The following KIT variants were observed in gnomAD, a reference collection of about 807,000 sequenced individuals.
The protein encoded by KIT is mast/stem cell growth factor receptor Kit.
Under a neutral mutation model 105.7 loss-of-function variants are expected in KIT, and 16 were observed. That is an observed-to-expected ratio of 0.15 (90% confidence interval 0.10 to 0.23). The LOEUF (loss-of-function observed/expected upper bound fraction) is 0.23, where lower values mean the gene tolerates loss of function less well. Among genes scored for constraint, KIT ranks in the 10% least tolerant of loss-of-function variants. The probability of loss-of-function intolerance (pLI) is 1.00; values close to 1 mark genes in which losing one functional copy is unlikely to be tolerated. For missense variants in KIT, 858 were observed against 1,213.8 expected, an observed-to-expected ratio of 0.71 and a Z score of 4.36; for synonymous variants, 438 against 441.1, an observed-to-expected ratio of 0.99 and a Z score of 0.09.
intron 13 of KIT, 83 bp from the exon 14 acceptor site, chr4:54,729,252 G>A (rs953695691): frequency 7.7e-5 from 113 of 1,458,176 alleles, no homozygotes; most frequent in Non-Finnish European, 1.1e-4. Flanking sequence ...TAATGGCCAT[G>A]ACCACCCTTG....
intron 7 of KIT, among the ~76,000 whole-genome samples, chr4:54,717,966 G>A (rs529119220): frequency 6.6e-6 from 1 of 152,168 alleles, no homozygotes; most frequent in Non-Finnish European, 1.5e-5. Flanking sequence ...GGCTGAAGAA[G>A]TCTCTCTCCA....
In KIT at chr4:54,723,576, T is replaced by A. The variant is rs753790041; in HGVS notation, c.1232-8T>A. The A allele has an allele frequency of 3.7e-6, 6 of 1,601,416 alleles. No homozygotes were observed. The South Asian group carries it at 6.6e-5, about 18-fold the overall frequency. ...CTCTGACATATGGCCATTTCTGTTT[T>A]CCTGTAGCAAAACCAGAAATCCTGA... On this transcript the variant is annotated splice_region_variant and splice_polypyrimidine_tract_variant and intron_variant, in intron 7 of 20. Coordinates refer to ENST00000288135, the MANE Select transcript of KIT (RefSeq NM_000222.3).
Position 54,739,065 on chromosome 4 carries a change from G to A in KIT, c.*508G>A. 2.4e-6 allele frequency: 1 copy of A among 421,752 alleles called. No homozygotes were observed. Among genetic ancestry groups the A allele is most frequent in the Non-Finnish European group, 4.2e-6 (1 of 239,510 alleles). 26.1% of individuals were successfully genotyped at this position (421,752 alleles called of 1,614,324 possible). A position where few individuals can be genotyped will look rare whatever the true frequency, so the allele number is the denominator to read the frequency against. On this transcript the variant is annotated 3_prime_UTR_variant, in exon 21 of 21. Transcript: ENST00000288135. ...TTAAGAAATCTAGTATTTCATGCTGGGAATGAGACATAGGCCATGAAAAAA... is the reference window on the plus strand; with the variant it reads ...TTAAGAAATCTAGTATTTCATGCTGAGAATGAGACATAGGCCATGAAAAAA...
At chr4:54,717,907 C>T (rs961734521) in intron 7 of KIT, among the ~76,000 whole-genome samples, 36 of 152,186 alleles carry the variant, frequency 2.4e-4, no homozygotes, top group African/African-American at 7.5e-4. Flanking sequence ...TTCCTCCCCA[C>T]GGCTGGGTGA....
At chr4:54,680,849 T>C (rs1718858226) in intron 1 of KIT, among the ~76,000 whole-genome samples, 1 of 152,110 alleles carries the variant, frequency 6.6e-6, no homozygotes, top group South Asian at 2.1e-4. Flanking sequence ...TCCAGGACAG[T>C]GCTAACATGA....
chr4:54,736,277 A>G (rs914307805), intron 17 of KIT, among the ~76,000 whole-genome samples: 1 of 152,188 alleles, frequency 6.6e-6, no homozygotes, highest in Admixed American at 6.5e-5. Context: ...CCGTACTGAC[A>G]TAGTGCTCAC....
chr4:54,691,840 G>A (rs1719732790), intron 1 of KIT, among the ~76,000 whole-genome samples: 1 of 152,026 alleles, frequency 6.6e-6, no homozygotes, highest in Non-Finnish European at 1.5e-5. Context: ...GGAATGGAAG[G>A]GATACAGGGT....
intron 7 of KIT, among the ~76,000 whole-genome samples, chr4:54,712,580 T>C (rs1021858188): frequency 6.6e-6 from 1 of 152,210 alleles, no homozygotes; most frequent in Admixed American, 6.5e-5. Flanking sequence ...CAGGAAGATG[T>C]TTCTGACTTT....
At chr4:54,661,818 T>TTAGAGAGGAATTGAGTTGAGTCA (rs1477992558) in intron 1 of KIT, among the ~76,000 whole-genome samples, 1 of 152,200 alleles carries the variant, frequency 6.6e-6, no homozygotes, top group Admixed American at 6.5e-5. Flanking sequence ...TTTGTTGTAC[T>TTAGAGAGGAATTGAGTTGAGTCA]TAGAGAGGAA....
chr4:54,699,859 C>T, intron 4 of KIT, 93 bp downstream of exon 4: 2 of 1,362,380 alleles, frequency 1.5e-6, no homozygotes, highest in South Asian at 1.2e-5. Context: ...ACTGCCTCGA[C>T]TAGTGCGTCT....
chr4:54,674,224 C>G (rs912332186), intron 1 of KIT, among the ~76,000 whole-genome samples: 3 of 152,208 alleles, frequency 2.0e-5, no homozygotes, highest in Non-Finnish European at 4.4e-5. Context: ...TCCCCAGCAG[C>G]TTCTCCCCAG....
intron 1 of KIT, among the ~76,000 whole-genome samples, chr4:54,659,877 C>T (rs1717117115): frequency 6.6e-6 from 1 of 151,994 alleles, no homozygotes; most frequent in African/African-American, 2.4e-5. Context: ...TAAGGTCTGT[C>T]TCCTGGGGGG....
intron 7 of KIT, among the ~76,000 whole-genome samples, chr4:54,717,290 T>G (rs1376929628): frequency 1.3e-5 from 2 of 152,196 alleles, no homozygotes; most frequent in African/African-American, 4.8e-5. Context: ...GCTAAACATC[T>G]TTCCCTCCTC....
chr4:54,688,709 T>C (rs1390522931), intron 1 of KIT, among the ~76,000 whole-genome samples: 4 of 152,126 alleles, frequency 2.6e-5, no homozygotes. Context: ...TCTCAACTAG[T>C]CTGTGAATTG....
At chr4:54,702,208 G>T (rs966845502) in intron 4 of KIT, among the ~76,000 whole-genome samples, 14 of 152,062 alleles carry the variant, frequency 9.2e-5, no homozygotes. Flanking sequence ...AGATAGCAAT[G>T]CTGTGTAATA....
At chr4:54,693,592 C>G (rs1311255663) in intron 1 of KIT, among the ~76,000 whole-genome samples, 1 of 152,184 alleles carries the variant, frequency 6.6e-6, no homozygotes, top group Non-Finnish European at 1.5e-5. Flanking sequence ...TTACACCTCT[C>G]ACGTCCCCTC....
rs896310879 is a variant in KIT at position 54,739,326 on chromosome 4, T to C, written c.*769T>C. ...ACCCTGGCATTATGTCCACTGTGTATAGAAGTAGATTAAGAGCCATATAAG... is the reference window on the plus strand; with the variant it reads ...ACCCTGGCATTATGTCCACTGTGTACAGAAGTAGATTAAGAGCCATATAAG... On this transcript the variant is annotated 3_prime_UTR_variant, in exon 21 of 21. Transcript: ENST00000288135. 1.3e-5 allele frequency: 3 copies of C among 235,894 alleles called. No homozygotes were observed. The highest frequency in any genetic ancestry group is 1.7e-5 in the Non-Finnish European group (2 of 119,798). The allele number at this position is 235,894 out of a possible 1,614,324, so 14.6% of individuals were successfully genotyped here.
At chr4:54,663,011 C>T (rs2109539781) in intron 1 of KIT, among the ~76,000 whole-genome samples, 1 of 142,668 alleles carries the variant, frequency 7.0e-6, no homozygotes, top group African/African-American at 2.7e-5. Flanking sequence ...AAAAACTACA[C>T]ATCTTGTAAG....
At chr4:54,671,873 T>C (rs1718133567) in intron 1 of KIT, among the ~76,000 whole-genome samples, 1 of 152,226 alleles carries the variant, frequency 6.6e-6, no homozygotes, top group African/African-American at 2.4e-5. Context: ...CTACCCACTT[T>C]ATCTTCCCAT....
Sources: allele counts gnomAD v4.1 joint callset (sites outside exome capture counted in the v4.1 genomes callset), GRCh38; gene constraint gnomAD v4.1.1; transcripts MANE v1.5; gene names NCBI Gene and HGNC (gene_info 2026-07-23, HGNC 2026-07-21).